PCDHA6: variants seen among roughly 807,000 people sequenced by gnomAD.
PCDHA6 encodes protocadherin alpha-6.
PCDHA6 carries 55 observed loss-of-function variants against 60.3 expected under a neutral mutation model. The observed-to-expected ratio is 0.91, with a 90% CI of 0.73 to 1.14. The LOEUF (loss-of-function observed/expected upper bound fraction) is 1.14, where lower values mean the gene tolerates loss of function less well. Among genes scored for constraint, PCDHA6 ranks in the 50% most tolerant of loss-of-function variants. The pLI is 0.00. For synonymous variants in PCDHA6, 652 were observed against 557.9 expected, an observed-to-expected ratio of 1.17 and a Z score of -2.38; for missense variants, 1,327 against 1,256.5, an observed-to-expected ratio of 1.06 and a Z score of -0.85.
intron 1 of PCDHA6, chr5:140,871,391 C>T: frequency 6.2e-7 from 1 of 1,614,170 alleles, no homozygotes; most frequent in Non-Finnish European, 8.5e-7. Flanking sequence ...GAGGAGGGCC[C>T]ACCTAAGACG....
chr5:140,898,462 C>T (rs1398136688), intron 1 of PCDHA6, among the ~76,000 whole-genome samples: 7 of 150,224 alleles, frequency 4.7e-5, no homozygotes, highest in African/African-American at 1.5e-4. Flanking sequence ...TTCCCCATTG[C>T]TTGTTTTTCT....
At chr5:140,891,889 G>C (rs1319520907) in intron 1 of PCDHA6, among the ~76,000 whole-genome samples, 1 of 152,224 alleles carries the variant, frequency 6.6e-6, no homozygotes, top group Non-Finnish European at 1.5e-5. Context: ...ATGTGACGAT[G>C]CAGCAAGAAG....
intron 1 of PCDHA6, among the ~76,000 whole-genome samples, chr5:140,895,167 T>G (rs1289758040): frequency 6.6e-6 from 1 of 152,186 alleles, no homozygotes; most frequent in African/African-American, 2.4e-5. Flanking sequence ...CAATCCAATC[T>G]ATTTGTAGTC....
intron 1 of PCDHA6, among the ~76,000 whole-genome samples, chr5:140,956,246 C>T (rs2095270779): frequency 6.6e-6 from 1 of 152,094 alleles, no homozygotes; most frequent in African/African-American, 2.4e-5. Context: ...GGGAATGCTT[C>T]CAGGTTTTGC....
intron 1 of PCDHA6, chr5:140,882,538 C>A: frequency 6.2e-7 from 1 of 1,614,170 alleles, no homozygotes; most frequent in Non-Finnish European, 8.5e-7. Context: ...ATTCTCGGAT[C>A]GACCGCGAGG....
chr5:141,007,377 A>C (rs13186204), intron 3 of PCDHA6, among the ~76,000 whole-genome samples: 7,611 of 136,554 alleles, frequency 0.056, 239 homozygotes, highest in South Asian at 0.11. Flanking sequence ...ATGATGGAAC[A>C]CCATCTCTAC....
intron 1 of PCDHA6, among the ~76,000 whole-genome samples, chr5:140,902,390 A>G (rs1051277099): frequency 2.6e-5 from 4 of 151,960 alleles, no homozygotes; most frequent in Admixed American, 1.3e-4. Flanking sequence ...TAAGAGTACT[A>G]TGTTGAATAC....
intron 1 of PCDHA6, chr5:140,870,851 C>A: frequency 6.2e-7 from 1 of 1,613,838 alleles, no homozygotes; most frequent in Non-Finnish European, 8.5e-7. Flanking sequence ...GTACCGCGGT[C>A]GGTGGGTGCG....
At chr5:140,998,405 G>C (rs144117915) in intron 3 of PCDHA6, among the ~76,000 whole-genome samples, 226 of 152,208 alleles carry the variant, frequency 1.5e-3, no homozygotes, top group African/African-American at 5.2e-3. Flanking sequence ...TTATGCCAAA[G>C]TTTATCTACC....
intron 1 of PCDHA6, chr5:140,865,984 C>CT (rs1421738889): frequency 1.3e-5 from 2 of 152,088 alleles, no homozygotes; most frequent in Non-Finnish European, 2.9e-5. Context: ...TGAGATGGCA[C>CT]TAAGTTTTTT....
At chr5:140,876,215 A>G in intron 1 of PCDHA6, 1 of 1,614,008 alleles carries the variant, frequency 6.2e-7, no homozygotes, top group South Asian at 1.1e-5. Context: ...CCCAGCTATA[A>G]AGTAGTGTTG....
At chr5:140,923,142 T>TA (rs1262526439) in intron 1 of PCDHA6, among the ~76,000 whole-genome samples, 1 of 152,006 alleles carries the variant, frequency 6.6e-6, no homozygotes, top group African/African-American at 2.4e-5. Context: ...AGGTGGAATA[T>TA]AAAAAAAATT....
Position 140,828,608 on chromosome 5 carries a change from A to G in PCDHA6, c.517A>G (p.Ser173Gly). The G allele has an allele frequency of 4.3e-6, 7 of 1,614,220 alleles. No individual in the cohort carries two copies. The highest frequency in any genetic ancestry group is 5.9e-6 in the Non-Finnish European group (7 of 1,180,048). ...GSNSILTYKL[S>G]SSEYFGLDVK... ...AAATTCCATCTTAACCTATAAACTC[A>G]GTTCTAGCGAATACTTCGGGCTAGA... is the stretch of plus-strand genomic sequence containing the variant. Residue 173 changes from serine to glycine, a missense_variant, in exon 1 of 4, where the codon AGT becomes GGT. Physicochemically the swap from Ser to Gly is moderately conservative, Grantham distance 56. Coordinates refer to ENST00000529310, the MANE Select transcript of PCDHA6 (RefSeq NM_018909.4).
intron 1 of PCDHA6, among the ~76,000 whole-genome samples, chr5:140,959,554 A>G (rs1375729843): frequency 6.6e-6 from 1 of 152,210 alleles, no homozygotes; most frequent in Non-Finnish European, 1.5e-5. Context: ...TATAAATAGA[A>G]TCAGTACTAG....
At chr5:140,935,264 A>G (rs756476804) in intron 1 of PCDHA6, among the ~76,000 whole-genome samples, 3 of 152,196 alleles carry the variant, frequency 2.0e-5, no homozygotes, top group African/African-American at 7.2e-5. Context: ...TCACATGTTT[A>G]TACTAATCTA....
chr5:140,926,805 G>A, intron 1 of PCDHA6: 2 of 1,452,468 alleles, frequency 1.4e-6, no homozygotes, highest in Non-Finnish European at 9.0e-7. Flanking sequence ...GCTCTTCCCC[G>A]CGGCTCGTGC....
chr5:140,840,849 C>G (rs1369023215), intron 1 of PCDHA6, among the ~76,000 whole-genome samples: 2 of 151,942 alleles, frequency 1.3e-5, no homozygotes, highest in Non-Finnish European at 2.9e-5. Context: ...TGCATTTCTT[C>G]CACACGAAAC....
chr5:140,850,803 A>C, intron 1 of PCDHA6: 1 of 1,598,380 alleles, frequency 6.3e-7, no homozygotes, highest in African/African-American at 1.3e-5. Flanking sequence ...GACCGACCTC[A>C]TGGCCTTCAG....
intron 1 of PCDHA6, chr5:140,854,286 T>A: frequency 1.9e-6 from 1 of 522,000 alleles, no homozygotes; most frequent in Non-Finnish European, 2.5e-6. Flanking sequence ...AGTTTAGTTT[T>A]TATTATTTTG....
Sources: gnomAD v4.1 joint callset for allele counts (sites outside exome capture counted in the v4.1 genomes callset) on GRCh38, gnomAD v4.1.1 for gene constraint, MANE v1.5 for transcripts, NCBI Gene and HGNC (gene_info 2026-07-23, HGNC 2026-07-21) for gene names.